Variants in PARP11 observed in about 807,000 individuals in gnomAD.
The protein encoded by PARP11 is poly(ADP-ribose) polymerase family member 11.
Under a neutral mutation model 42.9 loss-of-function variants are expected in PARP11, and 31 were observed. The observed-to-expected ratio is 0.72, with a 90% CI of 0.54 to 0.98. The LOEUF (loss-of-function observed/expected upper bound fraction) is 0.98, where lower values mean the gene tolerates loss of function less well. PARP11 is among the 50% of genes least tolerant of loss of function. The pLI is 0.00. For missense variants in PARP11, 365 were observed against 413.1 expected, an observed-to-expected ratio of 0.88 and a Z score of 1.01; for synonymous variants, 137 against 127.3, an observed-to-expected ratio of 1.08 and a Z score of -0.51.
intron 6 of PARP11, among the ~76,000 whole-genome samples, chr12:3,817,178 G>C (rs1354665160): frequency 7.2e-6 from 1 of 139,226 alleles, no homozygotes. Flanking sequence ...GTGTCAGAAA[G>C]AGATTCTGTC....
intron 3 of PARP11, among the ~76,000 whole-genome samples, chr12:3,828,499 G>A (rs1344309558): frequency 7.2e-6 from 1 of 139,708 alleles, no homozygotes; most frequent in East Asian, 2.1e-4. Context: ...AGTGAGCCGA[G>A]ATCATGCCAC....
intron 1 of PARP11, among the ~76,000 whole-genome samples, chr12:3,852,434 A>C (rs1948115129): frequency 1.3e-5 from 2 of 152,246 alleles, no homozygotes; most frequent in Admixed American, 1.3e-4. Context: ...GTGTAAGAGA[A>C]GACCTTAAAT....
At chr12:3,830,397 C>T (rs1330095920) in intron 1 of PARP11, among the ~76,000 whole-genome samples, 1 of 152,128 alleles carries the variant, frequency 6.6e-6, no homozygotes, top group African/African-American at 2.4e-5. Context: ...AGATCAAATG[C>T]ATCTAATTTT....
intron 1 of PARP11, among the ~76,000 whole-genome samples, chr12:3,833,115 T>C (rs1196486484): frequency 6.6e-6 from 1 of 152,266 alleles, no homozygotes; most frequent in African/African-American, 2.4e-5. Flanking sequence ...AATTTTAGTT[T>C]ACTACAACAA....
At chr12:3,817,574 C>T (rs149975559) in intron 6 of PARP11, among the ~76,000 whole-genome samples, 152 of 152,266 alleles carry the variant, frequency 1.0e-3, no homozygotes, top group African/African-American at 3.4e-3. Flanking sequence ...AGGAAAGTCA[C>T]AGAACTACAC....
intron 1 of PARP11, chr12:3,841,384 G>C: frequency 7.7e-7 from 1 of 1,303,486 alleles, no homozygotes; most frequent in Non-Finnish European, 1.1e-6. Context: ...GTACCCAAAG[G>C]TCCCTGTCCC....
chr12:3,840,172 C>G lies in PARP11; in HGVS notation c.19-10154G>C. 6.2e-7 allele frequency: 1 copy of G among 1,611,052 alleles called. No homozygotes were observed. The highest frequency in any genetic ancestry group is 8.5e-7 in the Non-Finnish European group (1 of 1,177,224). On this transcript the variant is annotated intron_variant, in intron 1 of 7. Transcript: ENST00000228820. The surrounding 1 kb of genome is among the most constrained non-coding windows in gnomAD (Gnocchi z 4.4). The stretch of plus-strand genomic sequence containing the variant: ...ACAATATGAAGTTGGAGACAAATGT[C>G]AAGTTAGGTTGGATCACAATGGAAA...
At chr12:3,841,834 G>C (rs1947894732) in intron 1 of PARP11, 1 of 1,608,898 alleles carries the variant, frequency 6.2e-7, no homozygotes, top group African/African-American at 1.3e-5. Context: ...TGATGAGAAA[G>C]GAGAATTGGA....
intron 3 of PARP11, among the ~76,000 whole-genome samples, chr12:3,826,980 C>T (rs1013346403): frequency 7.2e-5 from 11 of 152,192 alleles, no homozygotes; most frequent in African/African-American, 2.4e-4. Context: ...TATGTTTACC[C>T]ACCCAGGCTA....
At chr12:3,859,424 G>A (rs1288539650) in intron 1 of PARP11, among the ~76,000 whole-genome samples, 3 of 151,850 alleles carry the variant, frequency 2.0e-5, no homozygotes, top group African/African-American at 4.8e-5. Flanking sequence ...TTAGCCAGGC[G>A]TGGTGGCACA....
In PARP11 at chr12:3,810,685, A is replaced by AGG. The variant is rs1217038245; in HGVS notation, c.*1437_*1438insCC. On this transcript the variant is annotated 3_prime_UTR_variant, in exon 8 of 8. Transcript: ENST00000228820. ...AAGGAAGGAAGGAAGGAAGGAAGGAAAGAAAGAAGGAAGGAAGAGAGAGAG... is the reference window on the plus strand; with the variant it reads ...AAGGAAGGAAGGAAGGAAGGAAGGAAGGAGAAAGAAGGAAGGAAGAGAGAGAG... 134 of 145,170 alleles carry AGG rather than the reference A, an allele frequency of 9.2e-4. No individual in the cohort carries two copies. Among genetic ancestry groups the AGG allele is most frequent in the African/African-American group, 3.3e-3 (124 of 37,414 alleles). The allele number at this position is 145,170 out of a possible 1,614,324, so 9.0% of individuals were successfully genotyped here. A position where few individuals can be genotyped will look rare whatever the true frequency, so the allele number is the denominator to read the frequency against.
chr12:3,850,552 G>A (rs1285368386), intron 1 of PARP11, among the ~76,000 whole-genome samples: 1 of 152,048 alleles, frequency 6.6e-6, no homozygotes, highest in Non-Finnish European at 1.5e-5. Context: ...GTCCACAAAG[G>A]GTAATAAAAT....
At chr12:3,860,841 C>T (rs7312329) in intron 1 of PARP11, among the ~76,000 whole-genome samples, 50,837 of 151,866 alleles carry the variant, frequency 0.33, 10,683 homozygotes, top group East Asian at 0.65. Context: ...CACGTCTGGC[C>T]AATTAATTTT....
At chr12:3,870,008 G>A (rs921594482) in intron 1 of PARP11, among the ~76,000 whole-genome samples, 2 of 152,140 alleles carry the variant, frequency 1.3e-5, no homozygotes, top group East Asian at 1.9e-4. Context: ...CAGGCAGGAT[G>A]GAGCACAATG....
chr12:3,839,748 T>C (rs1342613393), intron 1 of PARP11: 5 of 1,120,158 alleles, frequency 4.5e-6, no homozygotes, highest in Non-Finnish European at 5.5e-6. Flanking sequence ...GAAATCATTA[T>C]GATATTGTGT....
chr12:3,842,725 A>G (rs1282322937), intron 1 of PARP11, among the ~76,000 whole-genome samples: 1 of 152,186 alleles, frequency 6.6e-6, no homozygotes, highest in Non-Finnish European at 1.5e-5. Context: ...CTTCATTCAG[A>G]ATCTGTTTAT....
chr12:3,873,184 G>GCCCGCCCCGT (rs1415206864), intron 1 of PARP11, 28 bp downstream of exon 1: 7 of 1,532,850 alleles, frequency 4.6e-6, no homozygotes, highest in East Asian at 4.9e-5. Context: ...CGCCCCCTGG[G>GCCCGCCCCGT]CCCGCCCCGT....
chr12:3,862,470 T>G (rs766049194), intron 1 of PARP11, among the ~76,000 whole-genome samples: 11 of 149,746 alleles, frequency 7.3e-5, no homozygotes, highest in African/African-American at 1.7e-4. Flanking sequence ...AATATATGTA[T>G]TTTTTTTTCT....
chr12:3,823,193 T>C (rs1947438517), intron 4 of PARP11, among the ~76,000 whole-genome samples: 1 of 152,202 alleles, frequency 6.6e-6, no homozygotes. Flanking sequence ...AAAAATCAAA[T>C]AGGTGATTTA....
Sources: gnomAD v4.1 joint callset for allele counts (sites outside exome capture counted in the v4.1 genomes callset) on GRCh38, gnomAD v4.1.1 for gene constraint, Gnocchi (gnomAD v3.1) non-coding constraint, MANE v1.5 for transcripts, NCBI Gene and HGNC (gene_info 2026-07-23, HGNC 2026-07-21) for gene names.